The following NRXN3 variants were observed in gnomAD, a reference collection of about 807,000 sequenced individuals.
NRXN3 encodes neurexin 3, also known as neurexin III.
A neutral mutation model predicts 137.6 loss-of-function variants in NRXN3; 32 were observed. The ratio of observed to expected loss-of-function variants is 0.23; its 90% CI spans 0.18 to 0.31. The LOEUF is 0.31. Among genes scored for constraint, NRXN3 ranks in the 10% least tolerant of loss-of-function variants. The pLI is 1.00. For synonymous variants in NRXN3, 798 were observed against 784.5 expected, an observed-to-expected ratio of 1.02 and a Z score of -0.29; for missense variants, 1,574 against 2,062.5, an observed-to-expected ratio of 0.76 and a Z score of 4.59.
intron 4 of NRXN3, among the ~76,000 whole-genome samples, chr14:78,326,607 T>C (rs547039721): frequency 4.2e-4 from 64 of 152,118 alleles, no homozygotes; most frequent in Non-Finnish European, 7.6e-4. Context: ...GTGCACATGT[T>C]TGTGCAGGGA....
chr14:79,590,810 G>A (rs1424579524), intron 16 of NRXN3, among the ~76,000 whole-genome samples: 1 of 152,292 alleles, frequency 6.6e-6, no homozygotes, highest in East Asian at 1.9e-4. Context: ...TTGCTATGGA[G>A]TATCACCTGG....
chr14:78,736,107 G>A (rs906345960), intron 8 of NRXN3, among the ~76,000 whole-genome samples: 3 of 150,426 alleles, frequency 2.0e-5, no homozygotes, highest in Admixed American at 6.7e-5. Flanking sequence ...TACACACATA[G>A]ATATTTACTA....
At chr14:78,402,068 C>T (rs1027582863) in intron 4 of NRXN3, among the ~76,000 whole-genome samples, 8 of 152,288 alleles carry the variant, frequency 5.3e-5, no homozygotes, top group Admixed American at 2.0e-4. Flanking sequence ...CTGAATGGTG[C>T]GGTTTATTAC....
chr14:78,515,476 A>G (rs1217631003), intron 4 of NRXN3, among the ~76,000 whole-genome samples: 1 of 152,154 alleles, frequency 6.6e-6, no homozygotes, highest in Non-Finnish European at 1.5e-5. Flanking sequence ...ACTTTCCCAG[A>G]TACTCCCTCC....
At chr14:79,440,014 G>A (rs2095906385) in intron 15 of NRXN3, among the ~76,000 whole-genome samples, 2 of 152,174 alleles carry the variant, frequency 1.3e-5, no homozygotes, top group African/African-American at 4.8e-5. Context: ...ATTGAGCACT[G>A]CGAAGTTCAC....
intron 8 of NRXN3, among the ~76,000 whole-genome samples, chr14:78,750,222 ACAGCACCTTTGTAGCC>A (rs1446196861): frequency 2.0e-5 from 3 of 152,244 alleles, no homozygotes; most frequent in African/African-American, 7.2e-5. Context: ...AGGTTTGAGA[ACAGCACCTTTGTAGCC>A]CATGAAGTTT....
intron 15 of NRXN3, among the ~76,000 whole-genome samples, chr14:79,088,637 G>A (rs1428222665): frequency 7.2e-5 from 11 of 152,228 alleles, no homozygotes; most frequent in Non-Finnish European, 1.5e-5. Flanking sequence ...GAAGGATTAG[G>A]TTAGAATATA....
chr14:78,492,026 T>A (rs1423946292), intron 4 of NRXN3, among the ~76,000 whole-genome samples: 2 of 152,208 alleles, frequency 1.3e-5, no homozygotes, highest in African/African-American at 4.8e-5. Flanking sequence ...TCTGGGCAAG[T>A]TACTTAGCTC....
chr14:78,328,112 G>C (rs1480347157), intron 4 of NRXN3, among the ~76,000 whole-genome samples: 1 of 152,130 alleles, frequency 6.6e-6, no homozygotes, highest in Non-Finnish European at 1.5e-5. Context: ...TAACAAAGCC[G>C]ACACACAGGG....
intron 10 of NRXN3, among the ~76,000 whole-genome samples, chr14:78,856,173 A>T (rs537167965): frequency 6.6e-6 from 1 of 152,318 alleles, no homozygotes; most frequent in African/African-American, 2.4e-5. Context: ...AGCTTTTCAC[A>T]GTTGCAAAGT....
At chr14:79,786,669 A>C (rs550060593) in intron 19 of NRXN3, among the ~76,000 whole-genome samples, 1 of 152,314 alleles carries the variant, frequency 6.6e-6, no homozygotes, top group African/African-American at 2.4e-5. Context: ...GCATGCATTA[A>C]TGTGTGCGTC....
chr14:79,015,063 C>T (rs888203144), intron 15 of NRXN3, among the ~76,000 whole-genome samples: 2 of 152,118 alleles, frequency 1.3e-5, no homozygotes, highest in African/African-American at 4.8e-5. Context: ...CGCCTGTCTT[C>T]GCAATGTCCC....
At chr14:79,538,577 A>G (rs1379082420) in intron 16 of NRXN3, among the ~76,000 whole-genome samples, 1 of 151,556 alleles carries the variant, frequency 6.6e-6, no homozygotes, top group East Asian at 1.9e-4. Context: ...CCCACTTCTT[A>G]ATGGGGTGGT....
At chr14:79,211,568 C>A (rs2067665552) in intron 15 of NRXN3, among the ~76,000 whole-genome samples, 2 of 152,092 alleles carry the variant, frequency 1.3e-5, no homozygotes, top group South Asian at 2.1e-4. Context: ...AAACTGAGTT[C>A]TTTCTCTAAG....
chr14:79,857,360 T>G (rs1051392776), intron 20 of NRXN3, among the ~76,000 whole-genome samples: 1 of 152,130 alleles, frequency 6.6e-6, no homozygotes, highest in Non-Finnish European at 1.5e-5. Context: ...TAGCTGGGAC[T>G]ACAGGTGCCA....
At chr14:79,846,737 G>GC (rs752622860) in intron 20 of NRXN3, among the ~76,000 whole-genome samples, 1 of 151,998 alleles carries the variant, frequency 6.6e-6, no homozygotes, top group Non-Finnish European at 1.5e-5. Flanking sequence ...CACTTAATTT[G>GC]TTTTTTAGTC....
intron 4 of NRXN3, among the ~76,000 whole-genome samples, chr14:78,542,449 T>C (rs1383566626): frequency 6.6e-6 from 1 of 152,212 alleles, no homozygotes; most frequent in African/African-American, 2.4e-5. Flanking sequence ...CTCAGACTGT[T>C]GCGCTAGCAG....
chr14:79,810,312 T>C (rs2099227275), intron 20 of NRXN3, among the ~76,000 whole-genome samples: 1 of 152,204 alleles, frequency 6.6e-6, no homozygotes, highest in Non-Finnish European at 1.5e-5. Context: ...AGTAGCTAGT[T>C]TTTCTGCCTT....
intron 10 of NRXN3, among the ~76,000 whole-genome samples, chr14:78,941,106 C>A: frequency 6.6e-6 from 1 of 152,128 alleles, no homozygotes; most frequent in East Asian, 1.9e-4. Context: ...TGTCAAGTAA[C>A]TACCATGTCT....
Sources: allele counts gnomAD v4.1 joint callset (sites outside exome capture counted in the v4.1 genomes callset), GRCh38; gene constraint gnomAD v4.1.1; transcripts MANE v1.5; gene names NCBI Gene and HGNC (gene_info 2026-07-23, HGNC 2026-07-21).